Variants in FBXL13 observed in about 807,000 individuals in gnomAD.
FBXL13 encodes the protein F-box and leucine rich repeat protein 13.
A neutral mutation model predicts 83.6 loss-of-function variants in FBXL13; 67 were observed. That is an observed-to-expected ratio of 0.80 (90% CI 0.66 to 0.98). The LOEUF (loss-of-function observed/expected upper bound fraction) is 0.98. Ranked by LOEUF, FBXL13 falls within the 50% of genes least tolerant of loss-of-function variation. The pLI is 0.00. For synonymous variants in FBXL13, 272 were observed against 299.5 expected, an observed-to-expected ratio of 0.91 and a Z score of 0.95; for missense variants, 822 against 866.5, an observed-to-expected ratio of 0.95 and a Z score of 0.64.
intron 16 of FBXL13, among the ~76,000 whole-genome samples, chr7:102,862,514 A>C (rs1460963036): frequency 6.6e-6 from 1 of 152,166 alleles, no homozygotes; most frequent in Non-Finnish European, 1.5e-5. Context: ...AATTATATAA[A>C]ATATTTACAC....
At chr7:103,042,467 A>T (rs1012749818) in intron 2 of FBXL13, among the ~76,000 whole-genome samples, 1 of 152,224 alleles carries the variant, frequency 6.6e-6, no homozygotes, top group Non-Finnish European at 1.5e-5. Flanking sequence ...GAATTGGAAA[A>T]AACTACTTTA....
intron 6 of FBXL13, among the ~76,000 whole-genome samples, chr7:103,017,880 A>C (rs2129487269): frequency 6.6e-6 from 1 of 152,308 alleles, no homozygotes; most frequent in South Asian, 2.1e-4. Context: ...AGGGAGAAGA[A>C]TCAAGTTGGA....
chr7:102,815,354 A>G (rs1170805288), intron 19 of FBXL13, among the ~76,000 whole-genome samples: 1 of 152,154 alleles, frequency 6.6e-6, no homozygotes, highest in Non-Finnish European at 1.5e-5. Flanking sequence ...AGAGTTTATT[A>G]CATTTCTTTG....
intron 6 of FBXL13, among the ~76,000 whole-genome samples, chr7:103,018,292 C>G (rs532006016): frequency 6.6e-6 from 1 of 152,172 alleles, no homozygotes; most frequent in Middle Eastern, 3.2e-3. Flanking sequence ...TTTGTCACCA[C>G]TAGGCCTGCC....
intron 8 of FBXL13, chr7:102,942,450 G>A: frequency 3.1e-6 from 3 of 967,594 alleles, no homozygotes; most frequent in Non-Finnish European, 4.4e-6. Flanking sequence ...TACCCTACTA[G>A]GGGGTTTTTA....
At chr7:102,924,923 C>A (rs970663869) in intron 10 of FBXL13, among the ~76,000 whole-genome samples, 5 of 152,184 alleles carry the variant, frequency 3.3e-5, no homozygotes, top group South Asian at 2.1e-4. Context: ...GCCACCGTGC[C>A]CGGCCTGTGT....
intron 8 of FBXL13, among the ~76,000 whole-genome samples, chr7:102,936,826 A>C (rs1451269268): frequency 6.6e-6 from 1 of 152,232 alleles, no homozygotes; most frequent in African/African-American, 2.4e-5. Flanking sequence ...TGTTCTAAGA[A>C]GAGATAACAT....
chr7:102,958,117 C>T (rs962825380), intron 8 of FBXL13, among the ~76,000 whole-genome samples: 2 of 152,072 alleles, frequency 1.3e-5, no homozygotes, highest in Admixed American at 1.3e-4. Flanking sequence ...TTCACAATAC[C>T]AAAGACTTGG....
chr7:102,964,842 G>C (rs546937437), intron 7 of FBXL13, among the ~76,000 whole-genome samples: 4 of 152,126 alleles, frequency 2.6e-5, no homozygotes, highest in Non-Finnish European at 5.9e-5. Context: ...ATTAACGAAA[G>C]ATAGGAAACA....
intron 1 of FBXL13, among the ~76,000 whole-genome samples, chr7:103,062,220 T>C (rs180944906): frequency 6.6e-6 from 1 of 152,274 alleles, no homozygotes; most frequent in East Asian, 1.9e-4. Context: ...CTTAATGTTT[T>C]TGTAGACCAT....
intron 1 of FBXL13, among the ~76,000 whole-genome samples, chr7:103,056,868 G>A (rs1797391550): frequency 1.3e-5 from 2 of 151,910 alleles, no homozygotes; most frequent in South Asian, 4.2e-4. Flanking sequence ...CAGGAGTAAG[G>A]TGGTATCACA....
intron 1 of FBXL13, among the ~76,000 whole-genome samples, chr7:103,057,665 CAT>C (rs1415177308): frequency 6.6e-6 from 1 of 152,208 alleles, no homozygotes; most frequent in Admixed American, 6.5e-5. Context: ...GTTTAAAGCA[CAT>C]ATGTGGAACT....
chr7:103,012,488 TG>T (rs1453268651), intron 6 of FBXL13, among the ~76,000 whole-genome samples: 2 of 151,966 alleles, frequency 1.3e-5, no homozygotes, highest in African/African-American at 4.8e-5. Context: ...CAGAAGAGAT[TG>T]GGGGAGCCTA....
At chr7:102,893,074 T>G (rs1305949284) in intron 11 of FBXL13, among the ~76,000 whole-genome samples, 2 of 152,258 alleles carry the variant, frequency 1.3e-5, no homozygotes, top group East Asian at 3.8e-4. Context: ...CATTCACAAC[T>G]GGTTTAGCTG....
At chr7:103,069,702 G>A (rs1255768964) in intron 1 of FBXL13, among the ~76,000 whole-genome samples, 2 of 152,176 alleles carry the variant, frequency 1.3e-5, no homozygotes, top group Admixed American at 1.3e-4. Flanking sequence ...CAGAGGAAAG[G>A]ACGAACCTTT....
intron 12 of FBXL13, among the ~76,000 whole-genome samples, chr7:102,883,907 G>A (rs1810446671): frequency 6.6e-6 from 1 of 152,148 alleles, no homozygotes; most frequent in Non-Finnish European, 1.5e-5. Context: ...GGGAAAATAT[G>A]AGAAATGGAC....
intron 2 of FBXL13, among the ~76,000 whole-genome samples, chr7:103,054,520 AGTCTTCAT>A (rs987397149): frequency 6.6e-6 from 1 of 152,168 alleles, no homozygotes; most frequent in African/African-American, 2.4e-5. Flanking sequence ...TTTGTTCTAA[AGTCTTCAT>A]GTCCTAAATT....
chr7:102,829,718 TG>T (rs1281631279), intron 18 of FBXL13, among the ~76,000 whole-genome samples: 2 of 151,984 alleles, frequency 1.3e-5, no homozygotes, highest in Admixed American at 6.6e-5. Context: ...CGAGGTGAGG[TG>T]GTTGCAAGGA....
intron 2 of FBXL13, among the ~76,000 whole-genome samples, chr7:103,053,910 T>C (rs934228454): frequency 1.3e-5 from 2 of 152,194 alleles, no homozygotes; most frequent in Non-Finnish European, 1.5e-5. Flanking sequence ...CTAATTCTGT[T>C]TCTCTGTTGC....
Sources: allele counts gnomAD v4.1 joint callset (sites outside exome capture counted in the v4.1 genomes callset), GRCh38; gene constraint gnomAD v4.1.1; transcripts MANE v1.5; gene names NCBI Gene and HGNC (gene_info 2026-07-23, HGNC 2026-07-21).